Variants in PRDM12 observed in about 807,000 individuals in gnomAD.
PRDM12 encodes the protein PR domain zinc finger protein 12.
In PRDM12, 17 loss-of-function variants were observed where a neutral mutation model predicts 29.6. That is an observed-to-expected ratio of 0.57 (90% CI 0.39 to 0.86). The LOEUF (loss-of-function observed/expected upper bound fraction) is 0.86. Among genes scored for constraint, PRDM12 ranks in the 40% least tolerant of loss-of-function variants. PRDM12 has a pLI of 0.00. For synonymous variants in PRDM12, 231 were observed against 225.8 expected, an observed-to-expected ratio of 1.02 and a Z score of -0.21; for missense variants, 422 against 510.8, an observed-to-expected ratio of 0.83 and a Z score of 1.68.
At position 130,673,832 on chromosome 9, in the gene PRDM12, C is replaced by T. The variant is rs145869413; in HGVS notation, c.571-4697C>T. On this transcript the variant is annotated intron_variant, in intron 3 of 4. Transcript: ENST00000253008. ...GATTACAGGCATGCGCCAGCACTCC[C>T]GGCTAATTTTGTATTTTAAGTAGAC... 5.3e-3 allele frequency among the ~76,000 whole-genome samples: 808 copies of T among 151,682 alleles called. 5 individuals carry two copies. The highest frequency in any genetic ancestry group is 0.018 in the African/African-American group (743 of 41,388).
intron 3 of PRDM12, among the ~76,000 whole-genome samples, chr9:130,677,064 C>T (rs1830849429): frequency 1.3e-5 from 2 of 152,228 alleles, no homozygotes; most frequent in Non-Finnish European, 2.9e-5. Context: ...GCTGGGACTA[C>T]AGGCATGCGC....
At chr9:130,674,528 GTGTGTA>G (rs1299109565) in intron 3 of PRDM12, among the ~76,000 whole-genome samples, 4 of 149,966 alleles carry the variant, frequency 2.7e-5, no homozygotes, top group South Asian at 4.2e-4. Flanking sequence ...GTGTGTGTGT[GTGTGTA>G]TAGAAGTAAT....
chr9:130,671,547 T>C (rs1830789619), intron 3 of PRDM12, among the ~76,000 whole-genome samples: 1 of 152,224 alleles, frequency 6.6e-6, no homozygotes, highest in South Asian at 2.1e-4. Context: ...CATTTTACTT[T>C]TAAAGTGGAT....
At position 130,681,252 on chromosome 9, in the gene PRDM12, C is replaced by A. The variant is rs768362917; in HGVS notation, c.687C>A (p.Asp229Glu). The change falls in exon 5 of 5, where the codon GAC (aspartate) becomes GAA (glutamate). Residue 229 changes from aspartate (D) to glutamate (E), a missense_variant. Coordinates refer to ENST00000253008, the MANE Select transcript of PRDM12 (RefSeq NM_021619.3). This position sits in a 1 kb window ranked among gnomAD's most constrained non-coding sequence, Gnocchi z 8.1. ...EEDQKKNKHE[D>E]FHPADSAAGP... is the part of the protein sequence containing the mutation. ...CCCGCCCCGCCCCGCGGCCAGAGGA[C>A]TTCCACCCGGCGGACTCGGCGGCTG... The A allele has an allele frequency of 1.4e-6, 2 of 1,471,626 alleles. No individual in the cohort carries two copies. Among genetic ancestry groups the A allele is most frequent in the Non-Finnish European group, 9.0e-7 (1 of 1,106,186 alleles). 91.2% of individuals were successfully genotyped at this position (1,471,626 alleles called of 1,614,324 possible). A position where few individuals can be genotyped will look rare whatever the true frequency, so the allele number is the denominator to read the frequency against.
chr9:130,678,716 G>T, intron 4 of PRDM12, 76 bp downstream of exon 4: 1 of 1,177,232 alleles, frequency 8.5e-7, no homozygotes, highest in South Asian at 1.4e-5. Flanking sequence ...GAGAGAATGA[G>T]AGAGGCAGAG....
chr9:130,671,373 G>GTA (rs1235761425), intron 3 of PRDM12, among the ~76,000 whole-genome samples: 2 of 73,160 alleles, frequency 2.7e-5, no homozygotes, highest in African/African-American at 4.8e-5. Flanking sequence ...AAGAGGATCA[G>GTA]GACACACACA....
At chr9:130,680,661 T>TATATATATATATA (rs1564249414) in intron 4 of PRDM12, among the ~76,000 whole-genome samples, 3 of 77,216 alleles carry the variant, frequency 3.9e-5, no homozygotes, top group East Asian at 9.7e-4. Flanking sequence ...ATATATATAT[T>TATATATATATATA]TTTTTTTTTT....
intron 3 of PRDM12, among the ~76,000 whole-genome samples, chr9:130,678,252 C>T (rs772444014): frequency 2.0e-5 from 3 of 151,744 alleles, no homozygotes; most frequent in East Asian, 2.0e-4. Flanking sequence ...TGCTGTGAGG[C>T]GTCCACTCTG....
At position 130,678,575 on chromosome 9, in the gene PRDM12, A is replaced by G; in HGVS notation, c.617A>G (p.His206Arg). The change falls in exon 4 of 5, where the codon CAC becomes CGC. Residue 206 changes from histidine (H) to arginine (R), a missense_variant. By Grantham distance (29) the His-to-Arg change is conservative (BLOSUM62 0). This residue lies in a region of PRDM12 where 300 missense variants were observed against 350.0 expected (regional missense o/e 0.86). Coordinates refer to ENST00000253008, the MANE Select transcript of PRDM12 (RefSeq NM_021619.3). The part of the protein sequence containing the change: ...QELLVWYGNS[H>R]NTFLGIPGVP... ...CTGCTGGTGTGGTACGGAAACTCAC[A>G]CAACACCTTCCTGGGGATCCCAGGT... The G allele has an allele frequency of 6.2e-7, 1 of 1,613,716 alleles. No individual in the cohort carries two copies. The highest frequency in any genetic ancestry group is 2.2e-5 in the East Asian group (1 of 44,820).
At chr9:130,675,962 C>G (rs1479090758) in intron 3 of PRDM12, among the ~76,000 whole-genome samples, 1 of 152,148 alleles carries the variant, frequency 6.6e-6, no homozygotes, top group Non-Finnish European at 1.5e-5. Context: ...GGACCGTGTT[C>G]CCTCCCTGAC....
intron 3 of PRDM12, among the ~76,000 whole-genome samples, chr9:130,669,163 T>TA (rs1354570259): frequency 4.7e-5 from 7 of 149,766 alleles, no homozygotes; most frequent in East Asian, 4.1e-4. Context: ...CCGTCTCTAC[T>TA]AAAAATACAA....
chr9:130,666,595 C>T lies in PRDM12; in HGVS notation c.224-13C>T. 6.3e-7 allele frequency: 1 copy of T among 1,596,882 alleles called. No individual in the cohort carries two copies. Among genetic ancestry groups the T allele is most frequent in the Non-Finnish European group, 8.5e-7 (1 of 1,173,024 alleles). ...TCGGGCTCTGACCGGTTTTCCTGGC[C>T]CCGCCGCCGCAGAAGTGCAGAAGCT... is the stretch of plus-strand genomic sequence containing the variant. On this transcript the variant is annotated splice_polypyrimidine_tract_variant and intron_variant, in intron 1 of 4. Transcript: ENST00000253008.
At chr9:130,672,442 G>T (rs948430049) in intron 3 of PRDM12, among the ~76,000 whole-genome samples, 24 of 152,174 alleles carry the variant, frequency 1.6e-4, no homozygotes, top group African/African-American at 5.8e-4. Flanking sequence ...GCCCGCCTCG[G>T]CCTCCCAAAG....
In PRDM12 at chr9:130,682,853, A is replaced by C. The variant is rs1345005894; in HGVS notation, c.*1184A>C. ...TCTACTTCCAGAAGATGGTCACTTT[A>C]ACCTTGTAAATATTTATCTAAAATG... On this transcript the variant is annotated 3_prime_UTR_variant, in exon 5 of 5. Transcript: ENST00000253008. This position sits in a 1 kb window ranked among gnomAD's most constrained non-coding sequence, Gnocchi z 4.2. 1 of 152,688 alleles carries C rather than the reference A, an allele frequency of 6.5e-6. No homozygotes were observed. Among genetic ancestry groups the C allele is most frequent in the Non-Finnish European group, 1.5e-5 (1 of 68,052 alleles). 9.5% of individuals were successfully genotyped at this position (152,688 alleles called of 1,614,324 possible).
At chr9:130,672,481 A>G (rs1830797809) in intron 3 of PRDM12, among the ~76,000 whole-genome samples, 1 of 152,144 alleles carries the variant, frequency 6.6e-6, no homozygotes, top group African/African-American at 2.4e-5. Context: ...GAGCCACTGC[A>G]CCTGGCCAGC....
In PRDM12 at chr9:130,681,055, AC is replaced by A. The variant is rs201602299; in HGVS notation, c.683-187del. On this transcript the variant is annotated intron_variant, in intron 4 of 4. Transcript: ENST00000253008. The surrounding 1 kb of genome is among the most constrained non-coding windows in gnomAD (Gnocchi z 8.1). ...GATCGGGAGTCCAACTCCCTATTGG[AC>A]CCCCCAGCCGGGGTACCCTTCGCTG... Among the ~76,000 whole-genome samples, 9 of 151,410 alleles carry A rather than the reference AC, an allele frequency of 5.9e-5. No individual in the cohort carries two copies. In the Middle Eastern group the frequency reaches 0.014, roughly 229 times the overall value.
intron 3 of PRDM12, among the ~76,000 whole-genome samples, chr9:130,674,898 G>A (rs1830827070): frequency 6.6e-6 from 1 of 152,034 alleles, no homozygotes; most frequent in Admixed American, 6.6e-5. Flanking sequence ...TTTATTTTTT[G>A]AGATGGAGTT....
At chr9:130,672,008 G>A (rs996463939) in intron 3 of PRDM12, among the ~76,000 whole-genome samples, 9 of 152,172 alleles carry the variant, frequency 5.9e-5, no homozygotes, top group Non-Finnish European at 1.0e-4. Context: ...GAGCCCAGGC[G>A]GTCAGTGGAG....
Position 130,678,638 on chromosome 9 carries a change from A to C in PRDM12, c.680A>C (p.His227Pro). 1 of 1,601,968 alleles carries C rather than the reference A, an allele frequency of 6.2e-7. No homozygotes were observed. Among genetic ancestry groups the C allele is most frequent in the Non-Finnish European group, 8.6e-7 (1 of 1,169,508 alleles). ...GLEEDQKKNK[H>P]EDFHPADSAA... ...GAGGAGGACCAGAAAAAGAACAAGC[A>C]TGGTAGGTGTTCCCCATGGGGCCGC... Residue 227 changes from histidine (H) to proline (P), a missense_variant and splice_region_variant, in exon 4 of 5, where the codon CAT (histidine) becomes CCT (proline). By Grantham distance (77) the His-to-Pro change is moderately conservative (BLOSUM62 -2). This residue lies in a region of PRDM12 where 300 missense variants were observed against 350.0 expected (regional missense o/e 0.86). Transcript: ENST00000253008.
Sources: gnomAD v4.1 joint callset for allele counts (sites outside exome capture counted in the v4.1 genomes callset) on GRCh38, gnomAD v4.1.1 for gene constraint, gnomAD v4.1.1 regional missense constraint, Gnocchi (gnomAD v3.1) non-coding constraint, MANE v1.5 for transcripts, NCBI Gene and HGNC (gene_info 2026-07-23, HGNC 2026-07-21) for gene names.